The following ANP32D variants were observed in gnomAD, a reference collection of about 807,000 sequenced individuals.
ANP32D encodes the protein acidic leucine-rich nuclear phosphoprotein 32 family member D.
In ANP32D, 6 loss-of-function variants were observed where a neutral mutation model predicts 7.8. The observed-to-expected ratio is 0.77, with a 90% CI of 0.42 to 1.52. ANP32D has a LOEUF of 1.52. Ranked by LOEUF, ANP32D falls within the 40% of genes most tolerant of loss-of-function variation. The pLI, the probability that ANP32D is intolerant of heterozygous loss-of-function variation, is 0.01. For missense variants in ANP32D, 163 were observed against 145.9 expected, an observed-to-expected ratio of 1.12 and a Z score of -0.60; for synonymous variants, 69 against 59.7, an observed-to-expected ratio of 1.16 and a Z score of -0.72.
rs1038520273 is a variant in ANP32D at position 48,473,192 on chromosome 12, G to A, written c.*132G>A. ...ATGACAAGGAGGAGGATGAGGATGA[G>A]GAGGAGTATGATGAAGATGCTCAGG... On this transcript the variant is annotated 3_prime_UTR_variant, in exon 1 of 1. Coordinates refer to ENST00000266594, the MANE Select transcript of ANP32D (RefSeq NM_012404.3). 2 of 1,377,392 alleles carry A rather than the reference G, an allele frequency of 1.5e-6. No homozygotes were observed. Among genetic ancestry groups the A allele is most frequent in the Non-Finnish European group, 2.1e-6 (2 of 968,804 alleles). 85.3% of individuals were successfully genotyped at this position (1,377,392 alleles called of 1,614,324 possible). A position where few individuals can be genotyped will look rare whatever the true frequency, so the allele number is the denominator to read the frequency against.
rs138194545 is a variant in ANP32D at position 48,472,692 on chromosome 12, G to A, written c.28G>A (p.Glu10Lys). The A allele has an allele frequency of 2.5e-6, 4 of 1,614,056 alleles. No individual in the cohort carries two copies. The highest frequency in any genetic ancestry group is 3.4e-6 in the Non-Finnish European group (4 of 1,180,036). The change falls in exon 1 of 1, where the codon GAG becomes AAG. Residue 10 changes from glutamate to lysine, a missense_variant. By Grantham distance (56) the Glu-to-Lys change is moderately conservative (BLOSUM62 1). Transcript: ENST00000266594. ...GGAGATGGGCAAATGGATTCATTTA[G>A]AGCTGCGGAACAGGACGCCCTCCGA... MEMGKWIHLELRNRTPSDVK... is the reference protein window; with the variant it reads MEMGKWIHLKLRNRTPSDVK...
chr12:48,472,922 G>C lies in ANP32D; in HGVS notation c.258G>C (p.Lys86Asn). The C allele has an allele frequency of 6.2e-7, 1 of 1,614,164 alleles. No homozygotes were observed. The highest frequency in any genetic ancestry group is 8.5e-7 in the Non-Finnish European group (1 of 1,180,034). Residue 86 changes from lysine to asparagine, a missense_variant, in exon 1 of 1, where the codon AAG (lysine) becomes AAC (asparagine). By Grantham distance (94) the Lys-to-Asn change is moderately conservative (BLOSUM62 0). Coordinates refer to ENST00000266594, the MANE Select transcript of ANP32D (RefSeq NM_012404.3). ...TGGGCCTAGAAGTATTGGCAGAAAAGTGTCCAAACCTCATACATCTAAATT... is the reference window on the plus strand; with the variant it reads ...TGGGCCTAGAAGTATTGGCAGAAAACTGTCCAAACCTCATACATCTAAATT... Reference protein sequence around the residue: ...ASVGLEVLAEKCPNLIHLNLS... With the variant: ...ASVGLEVLAENCPNLIHLNLS...
Position 48,472,607 on chromosome 12 carries a change from C to T in ANP32D, c.-58C>T, listed in dbSNP as rs570431628. On this transcript the variant is annotated 5_prime_UTR_variant, in exon 1 of 1. Coordinates refer to ENST00000266594, the MANE Select transcript of ANP32D (RefSeq NM_012404.3). ...GCTTTCAAATGTGCGGTTGTGGGTT[C>T]GGGGTTTATTGGTTGAATTCCGCTG... The T allele has an allele frequency of 4.4e-5, 71 of 1,599,926 alleles. No individual in the cohort carries two copies. Among genetic ancestry groups the T allele is most frequent in the South Asian group, 1.8e-4 (16 of 88,996 alleles).
chr12:48,473,541 G>A lies in ANP32D; in HGVS notation c.*481G>A, dbSNP rs1954101494. 2 of 356,160 alleles carry A rather than the reference G, an allele frequency of 5.6e-6. No individual in the cohort carries two copies. Among genetic ancestry groups the A allele is most frequent in the Non-Finnish European group, 1.1e-5 (2 of 183,590 alleles). The allele number at this position is 356,160 out of a possible 1,614,324, so 22.1% of individuals were successfully genotyped here. ...GATTGTAACGTTGCTGTGGGAGCAA[G>A]AGAGGAAAAGTGTACTGGGGGTTGT... On this transcript the variant is annotated 3_prime_UTR_variant, in exon 1 of 1. Coordinates refer to ENST00000266594, the MANE Select transcript of ANP32D (RefSeq NM_012404.3).
Position 48,472,595 on chromosome 12 carries a change from C to A in ANP32D, c.-70C>A. 1.3e-6 allele frequency: 2 copies of A among 1,571,022 alleles called. No homozygotes were observed. The highest frequency in any genetic ancestry group is 1.7e-6 in the Non-Finnish European group (2 of 1,154,194). On this transcript the variant is annotated 5_prime_UTR_variant, in exon 1 of 1. It introduces an in-frame stop codon into an upstream open reading frame of the 5' UTR. Transcript: ENST00000266594. ...AGAGCTGGTTGAGCTTTCAAATGTG[C>A]GGTTGTGGGTTCGGGGTTTATTGGT... is the stretch of plus-strand genomic sequence containing the variant.
chr12:48,472,820 A>G lies in ANP32D; in HGVS notation c.156A>G (p.Ile52Met). ...TGGAATTATTAAATACAATCAACAT[A>G]GGCCTCACCTCAATTGCAAACTTGC... ...EELELLNTIN[I>M]GLTSIANLPK... The change falls in exon 1 of 1, where the codon ATA (isoleucine) becomes ATG (methionine). Residue 52 changes from isoleucine to methionine, a missense_variant. Physicochemically the swap from Ile to Met is conservative, Grantham distance 10. Coordinates refer to ENST00000266594, the MANE Select transcript of ANP32D (RefSeq NM_012404.3). 1 of 1,614,202 alleles carries G rather than the reference A, an allele frequency of 6.2e-7. No individual in the cohort carries two copies. Among genetic ancestry groups the G allele is most frequent in the Non-Finnish European group, 8.5e-7 (1 of 1,180,028 alleles).
Position 48,472,772 on chromosome 12 carries a change from C to A in ANP32D, c.108C>A (p.Gly36=), listed in dbSNP as rs149297885. The A allele has an allele frequency of 3.8e-4, 616 of 1,614,116 alleles. 2 individuals carry two copies. The highest frequency in any genetic ancestry group is 8.2e-4 in the South Asian group (75 of 91,080). Residue 36 remains glycine, a synonymous_variant, in exon 1 of 1, where the codon GGC becomes GGA. Transcript: ENST00000266594. ...NSQSNEGKLE[G]LTDEFEELEL... ...AGTCAAATGAAGGCAAATTGGAAGG[C>A]CTCACAGATGAATTTGAAGAACTGG...
Position 48,473,264 on chromosome 12 carries a change from G to C in ANP32D, c.*204G>C, listed in dbSNP as rs1453389201. The C allele has an allele frequency of 5.5e-6, 6 of 1,081,418 alleles. No individual in the cohort carries two copies. The South Asian group carries it at 7.9e-5, about 14-fold the overall frequency. 67.0% of individuals were successfully genotyped at this position (1,081,418 alleles called of 1,614,324 possible). A position where few individuals can be genotyped will look rare whatever the true frequency, so the allele number is the denominator to read the frequency against. ...AGGATGAGGAGGAGGAACGTGAAGA[G>C]GAGGACGTGAGTGGAGACGAGGAGG... On this transcript the variant is annotated 3_prime_UTR_variant, in exon 1 of 1. Transcript: ENST00000266594.
Position 48,473,156 on chromosome 12 carries a change from G to C in ANP32D, c.*96G>C. The C allele has an allele frequency of 6.4e-7, 1 of 1,552,000 alleles. No homozygotes were observed. The highest frequency in any genetic ancestry group is 8.9e-7 in the Non-Finnish European group (1 of 1,124,942). On this transcript the variant is annotated 3_prime_UTR_variant, in exon 1 of 1. Transcript: ENST00000266594. ...CTAACTCGGATGGTGAGGGCTTTGTGGAGTGCCTGGATGACAAGGAGGAGG... is the reference window on the plus strand; with the variant it reads ...CTAACTCGGATGGTGAGGGCTTTGTCGAGTGCCTGGATGACAAGGAGGAGG...
chr12:48,473,415 G>A lies in ANP32D; in HGVS notation c.*355G>A. 1 of 724,092 alleles carries A rather than the reference G, an allele frequency of 1.4e-6. No homozygotes were observed. Among genetic ancestry groups the A allele is most frequent in the Non-Finnish European group, 2.3e-6 (1 of 427,674 alleles). The allele number at this position is 724,092 out of a possible 1,614,324, so 44.9% of individuals were successfully genotyped here. A position where few individuals can be genotyped will look rare whatever the true frequency, so the allele number is the denominator to read the frequency against. On this transcript the variant is annotated 3_prime_UTR_variant, in exon 1 of 1. Transcript: ENST00000266594. The stretch of plus-strand genomic sequence containing the variant: ...AGATGAGGGAGAAGACGATGCCTAA[G>A]TGGAATAATCTATTTTGAAAAATTC...
rs760092788 is a variant in ANP32D at position 48,472,628 on chromosome 12, C to T, written c.-37C>T. ...GGTTCGGGGTTTATTGGTTGAATTC[C>T]GCTGGCTCAGGAGCCTCTGCAGAGA... On this transcript the variant is annotated 5_prime_UTR_variant, in exon 1 of 1. Transcript: ENST00000266594. The T allele has an allele frequency of 3.0e-5, 49 of 1,611,078 alleles. No individual in the cohort carries two copies. Among genetic ancestry groups the T allele is most frequent in the African/African-American group, 1.3e-4 (10 of 74,672 alleles).
rs1318369380 is a variant in ANP32D at position 48,472,889 on chromosome 12, A to G, written c.225A>G (p.Arg75=). ...KLKKLELSSN[R]ASVGLEVLAE... is the part of the protein sequence containing the mutation. ...AGAAGCTTGAACTAAGCAGTAACAG[A>G]GCCTCAGTGGGCCTAGAAGTATTGG... Residue 75 remains arginine (R), a synonymous_variant, in exon 1 of 1, where the codon AGA becomes AGG. Coordinates refer to ENST00000266594, the MANE Select transcript of ANP32D (RefSeq NM_012404.3). The G allele has an allele frequency of 5.0e-6, 8 of 1,614,200 alleles. No homozygotes were observed. Among genetic ancestry groups the G allele is most frequent in the Non-Finnish European group, 6.8e-6 (8 of 1,180,036 alleles).
Position 48,473,234 on chromosome 12 carries a change from G to A in ANP32D, c.*174G>A. Reference sequence around the variant, plus strand: ...ATGCTCAGGTAATGGAAGATGAGGAGGACGAGGATGAGGAGGAGGAACGTG... The same window carrying A: ...ATGCTCAGGTAATGGAAGATGAGGAAGACGAGGATGAGGAGGAGGAACGTG... On this transcript the variant is annotated 3_prime_UTR_variant, in exon 1 of 1. Coordinates refer to ENST00000266594, the MANE Select transcript of ANP32D (RefSeq NM_012404.3). 8.7e-7 allele frequency: 1 copy of A among 1,152,334 alleles called. No individual in the cohort carries two copies. The highest frequency in any genetic ancestry group is 1.3e-6 in the Non-Finnish European group (1 of 773,806). The allele number at this position is 1,152,334 out of a possible 1,614,324, so 71.4% of individuals were successfully genotyped here. A position where few individuals can be genotyped will look rare whatever the true frequency, so the allele number is the denominator to read the frequency against.
chr12:48,473,301 G>A lies in ANP32D; in HGVS notation c.*241G>A, dbSNP rs1592193317. 8.8e-7 allele frequency: 1 copy of A among 1,133,518 alleles called. No homozygotes were observed. Among genetic ancestry groups the A allele is most frequent in the African/African-American group, 1.5e-5 (1 of 64,948 alleles). 70.2% of individuals were successfully genotyped at this position (1,133,518 alleles called of 1,614,324 possible). ...TGGAGACGAGGAGGAGAAGGATGAA[G>A]GTTATAACAATGGAGAGGTAGATGA... On this transcript the variant is annotated 3_prime_UTR_variant, in exon 1 of 1. Transcript: ENST00000266594.
Position 48,473,397 on chromosome 12 carries a change from G to A in ANP32D, c.*337G>A, listed in dbSNP as rs1954099304. On this transcript the variant is annotated 3_prime_UTR_variant, in exon 1 of 1. Transcript: ENST00000266594. ...GCGAAAATAAGAAACTGAAGATGAG[G>A]GAGAAGACGATGCCTAAGTGGAATA... The A allele has an allele frequency of 1.1e-6, 1 of 877,262 alleles. No individual in the cohort carries two copies. The highest frequency in any genetic ancestry group is 2.1e-5 in the Admixed American group (1 of 47,612). 54.3% of individuals were successfully genotyped at this position (877,262 alleles called of 1,614,324 possible). A position where few individuals can be genotyped will look rare whatever the true frequency, so the allele number is the denominator to read the frequency against.
Position 48,472,634 on chromosome 12 carries a change from C to T in ANP32D, c.-31C>T, listed in dbSNP as rs1266329023. Reference sequence around the variant, plus strand: ...GGGTTTATTGGTTGAATTCCGCTGGCTCAGGAGCCTCTGCAGAGAAAGCGT... The same window carrying T: ...GGGTTTATTGGTTGAATTCCGCTGGTTCAGGAGCCTCTGCAGAGAAAGCGT... On this transcript the variant is annotated 5_prime_UTR_variant, in exon 1 of 1. Transcript: ENST00000266594. The T allele has an allele frequency of 1.2e-6, 2 of 1,612,956 alleles. No homozygotes were observed. Among genetic ancestry groups the T allele is most frequent in the Non-Finnish European group, 1.7e-6 (2 of 1,179,604 alleles).
In ANP32D at chr12:48,472,888, G is replaced by C. The variant is rs780345556; in HGVS notation, c.224G>C (p.Arg75Thr). ...KLKKLELSSN[R>T]ASVGLEVLAE... ...AAGAAGCTTGAACTAAGCAGTAACA[G>C]AGCCTCAGTGGGCCTAGAAGTATTG... The change falls in exon 1 of 1, where the codon AGA (arginine) becomes ACA (threonine). Residue 75 changes from arginine (R) to threonine (T), a missense_variant. Physicochemically the swap from Arg to Thr is moderately conservative, Grantham distance 71. Coordinates refer to ENST00000266594, the MANE Select transcript of ANP32D (RefSeq NM_012404.3). 4.3e-6 allele frequency: 7 copies of C among 1,614,150 alleles called. No individual in the cohort carries two copies. In the South Asian group the frequency reaches 6.6e-5, roughly 15 times the overall value.
chr12:48,473,374 GA>G lies in ANP32D; in HGVS notation c.*318del. Reference sequence around the variant, plus strand: ...GGTGAAGAAGAAAGGGGTCAGAAGCGAAAATAAGAAACTGAAGATGAGGGAG... The same window carrying G: ...GGTGAAGAAGAAAGGGGTCAGAAGCGAAATAAGAAACTGAAGATGAGGGAG... On this transcript the variant is annotated 3_prime_UTR_variant, in exon 1 of 1. Coordinates refer to ENST00000266594, the MANE Select transcript of ANP32D (RefSeq NM_012404.3). 1 of 1,032,868 alleles carries G rather than the reference GA, an allele frequency of 9.7e-7. No individual in the cohort carries two copies. The highest frequency in any genetic ancestry group is 1.5e-6 in the Non-Finnish European group (1 of 685,920). 64.0% of individuals were successfully genotyped at this position (1,032,868 alleles called of 1,614,324 possible).
In ANP32D at chr12:48,473,158, A is replaced by C. The variant is rs987762022; in HGVS notation, c.*98A>C. ...AACTCGGATGGTGAGGGCTTTGTGG[A>C]GTGCCTGGATGACAAGGAGGAGGAT... On this transcript the variant is annotated 3_prime_UTR_variant, in exon 1 of 1. Transcript: ENST00000266594. The C allele has an allele frequency of 1.3e-6, 2 of 1,553,902 alleles. No individual in the cohort carries two copies. Among genetic ancestry groups the C allele is most frequent in the Non-Finnish European group, 1.8e-6 (2 of 1,126,786 alleles).
Sources: gnomAD v4.1 joint callset for allele counts on GRCh38, gnomAD v4.1.1 for gene constraint, MANE v1.5 for transcripts, NCBI Gene and HGNC (gene_info 2026-07-23, HGNC 2026-07-21) for gene names.